FBXL5: variants seen among roughly 807,000 people sequenced by gnomAD.
FBXL5 encodes the protein F-box/LRR-repeat protein 5.
In FBXL5, 26 loss-of-function variants were observed where a neutral mutation model predicts 78.3. The ratio of observed to expected loss-of-function variants is 0.33; its 90% CI spans 0.24 to 0.46. FBXL5 has a LOEUF of 0.46. FBXL5 is among the 20% of genes least tolerant of loss of function. The pLI is 1.00. For synonymous variants in FBXL5, 295 were observed against 282.5 expected, an observed-to-expected ratio of 1.04 and a Z score of -0.45; for missense variants, 710 against 829.2, an observed-to-expected ratio of 0.86 and a Z score of 1.77.
intron 9 of FBXL5, among the ~76,000 whole-genome samples, chr4:15,614,216 A>G (rs1234014389): frequency 2.0e-5 from 3 of 152,194 alleles, no homozygotes; most frequent in African/African-American, 7.2e-5. Context: ...TTCTGGGTCT[A>G]GCCACCCAGC....
At chr4:15,673,311 C>T (rs1577519292) in intron 1 of FBXL5, among the ~76,000 whole-genome samples, 1 of 151,908 alleles carries the variant, frequency 6.6e-6, no homozygotes, top group Admixed American at 6.6e-5. Context: ...TGTGTTGACC[C>T]GTGCCTGTAG....
intron 9 of FBXL5, among the ~76,000 whole-genome samples, chr4:15,621,489 CA>C (rs934661537): frequency 2.0e-5 from 3 of 152,036 alleles, no homozygotes; most frequent in Non-Finnish European, 4.4e-5. Flanking sequence ...TCACAATAGC[CA>C]AAAGGTGGAA....
chr4:15,654,589 G>T (rs73241198), intron 1 of FBXL5, among the ~76,000 whole-genome samples: 13,879 of 152,298 alleles, frequency 0.091, 778 homozygotes, highest in Non-Finnish European at 0.12. Context: ...AACGACACAT[G>T]AAGAGTGAAG....
In FBXL5 at chr4:15,641,991, G is replaced by A. The variant is rs564906632; in HGVS notation, c.301-1108C>T. 1.8e-4 allele frequency among the ~76,000 whole-genome samples: 28 copies of A among 151,408 alleles called. 1 individual carries two copies. Among genetic ancestry groups the A allele is most frequent in the Admixed American group, 8.6e-4 (13 of 15,198 alleles). Reference sequence around the variant, plus strand: ...TGCGGTGAGCCGAGATTGCACCACTGCACCTCAGCATGGGTGACAGAGCAA... The same window carrying A: ...TGCGGTGAGCCGAGATTGCACCACTACACCTCAGCATGGGTGACAGAGCAA... On this transcript the variant is annotated intron_variant, in intron 2 of 10. Transcript: ENST00000341285.
chr4:15,605,875 T>A, intron 10 of FBXL5, 76 bp from the exon 11 acceptor site: 30 of 1,061,192 alleles, frequency 2.8e-5, no homozygotes, highest in Non-Finnish European at 4.0e-5. Flanking sequence ...TATGAAGGAG[T>A]TAAACATTCA....
At chr4:15,675,313 G>C (rs761260318) in intron 1 of FBXL5, among the ~76,000 whole-genome samples, 1 of 152,062 alleles carries the variant, frequency 6.6e-6, no homozygotes, top group Non-Finnish European at 1.5e-5. Flanking sequence ...CAAAATACTA[G>C]TATATAAAAA....
chr4:15,624,479 C>A (rs1368148069), intron 9 of FBXL5, among the ~76,000 whole-genome samples: 1 of 151,994 alleles, frequency 6.6e-6, no homozygotes, highest in African/African-American at 2.4e-5. Flanking sequence ...ACAGTGCATA[C>A]TCGTAACCTA....
rs533142916 is a variant in FBXL5, at chr4:15,607,148, C to T, written c.2000-1349G>A. ...TATTAATTTTTAAGTTGATATGACA[C>T]CTGTGATTAGCTTAATGGCGGAGTA... On this transcript the variant is annotated intron_variant, in intron 10 of 10. Transcript: ENST00000341285. Among the ~76,000 whole-genome samples the T allele has an allele frequency of 8.6e-4, 131 of 152,130 alleles. 1 individual carries two copies. The South Asian group carries it at 0.027, about 31-fold the overall frequency.
At chr4:15,640,625 G>A (rs998076896) in intron 3 of FBXL5, among the ~76,000 whole-genome samples, 163 bp downstream of exon 3, 8 of 144,980 alleles carry the variant, frequency 5.5e-5, no homozygotes, top group South Asian at 2.2e-4. Flanking sequence ...CAAAACAAAC[G>A]TTTTTTTTTT....
At chr4:15,609,043 GA>G (rs1722067856) in intron 10 of FBXL5, among the ~76,000 whole-genome samples, 1 of 152,092 alleles carries the variant, frequency 6.6e-6, no homozygotes, top group African/African-American at 2.4e-5. Context: ...AGAATAAATG[GA>G]CAACAGAAAA....
chr4:15,651,181 C>G (rs529541715), intron 1 of FBXL5, among the ~76,000 whole-genome samples: 18 of 152,240 alleles, frequency 1.2e-4, no homozygotes, highest in Middle Eastern at 6.8e-3. Context: ...TAGTAAGTAG[C>G]TGATCAAATT....
chr4:15,632,448 A>C (rs1713774861), intron 5 of FBXL5, among the ~76,000 whole-genome samples: 1 of 152,172 alleles, frequency 6.6e-6, no homozygotes, highest in Non-Finnish European at 1.5e-5. Flanking sequence ...CAATTCTGTG[A>C]AGAAAGCCAT....
intron 6 of FBXL5, among the ~76,000 whole-genome samples, chr4:15,630,172 G>C (rs933200277): frequency 5.9e-5 from 9 of 152,142 alleles, no homozygotes; most frequent in African/African-American, 2.4e-5. Context: ...GGCTACATTA[G>C]TTTTTGTAAT....
Position 15,627,964 on chromosome 4 carries a change from A to G in FBXL5, c.962T>C (p.Ile321Thr). The G allele has an allele frequency of 1.9e-6, 3 of 1,613,810 alleles. No homozygotes were observed. The highest frequency in any genetic ancestry group is 2.5e-6 in the Non-Finnish European group (3 of 1,179,808). Reference protein sequence around the residue: ...QMEKRLLHGLIHNVLPYVGTS... With the variant: ...QMEKRLLHGLTHNVLPYVGTS... Reference sequence around the variant, plus strand: ...ACCAACATATGGTAGAACGTTATGAATTAAGCCATGGAGTAAACGTTTTTC... The same window carrying G: ...ACCAACATATGGTAGAACGTTATGAGTTAAGCCATGGAGTAAACGTTTTTC... Residue 321 changes from isoleucine to threonine, a missense_variant, in exon 7 of 11, where the codon ATT becomes ACT. By Grantham distance (89) the Ile-to-Thr change is moderately conservative. Around this residue, in one of 4 missense-constraint regions of FBXL5, gnomAD observed 517 missense variants for 542.9 expected, o/e 0.95. Transcript: ENST00000341285.
At chr4:15,640,689 A>G (rs1714769851) in intron 3 of FBXL5, 99 bp downstream of exon 3, 1 of 571,824 alleles carries the variant, frequency 1.7e-6, no homozygotes, top group Non-Finnish European at 3.0e-6. Flanking sequence ...TCCATCAACC[A>G]GATACATCTT....
At chr4:15,633,820 G>C (rs781432970) in intron 5 of FBXL5, among the ~76,000 whole-genome samples, 5 of 152,126 alleles carry the variant, frequency 3.3e-5, no homozygotes, top group Non-Finnish European at 1.5e-5. Flanking sequence ...GGGTGATCTC[G>C]AACTCCTGAG....
intron 1 of FBXL5, among the ~76,000 whole-genome samples, chr4:15,651,128 C>T (rs1346512588): frequency 6.6e-6 from 1 of 152,156 alleles, no homozygotes; most frequent in Non-Finnish European, 1.5e-5. Flanking sequence ...TCAGACAATG[C>T]TTTAATTTAA....
At chr4:15,626,781 TA>T in intron 8 of FBXL5, 91 bp downstream of exon 8, 2 of 903,480 alleles carry the variant, frequency 2.2e-6, no homozygotes, top group African/African-American at 1.7e-5. Flanking sequence ...GATTTGATAG[TA>T]AAAAATAATA....
At chr4:15,633,102 C>CT (rs1206249916) in intron 5 of FBXL5, among the ~76,000 whole-genome samples, 11 of 152,150 alleles carry the variant, frequency 7.2e-5, no homozygotes. Context: ...TTCAGACACA[C>CT]TGAGAAGAAC....
Sources: allele counts gnomAD v4.1 joint callset (sites outside exome capture counted in the v4.1 genomes callset), GRCh38; gene constraint gnomAD v4.1.1; regional missense constraint gnomAD v4.1.1; transcripts MANE v1.5; gene names NCBI Gene and HGNC (gene_info 2026-07-23, HGNC 2026-07-21).